SDK1: variants seen among roughly 807,000 people sequenced by gnomAD.
SDK1 encodes the protein protein sidekick-1.
In SDK1, 157 loss-of-function variants were observed where a neutral mutation model predicts 245.5. That is an observed-to-expected ratio of 0.64 (90% CI 0.56 to 0.73). SDK1 has a LOEUF of 0.73. Among genes scored for constraint, SDK1 ranks in the 30% least tolerant of loss-of-function variants. The probability of loss-of-function intolerance (pLI) is 0.00; values close to 1 mark genes in which losing one functional copy is unlikely to be tolerated. For synonymous variants in SDK1, 1,647 were observed against 1,278.5 expected, an observed-to-expected ratio of 1.29 and a Z score of -6.15; for missense variants, 3,583 against 3,002.3, an observed-to-expected ratio of 1.19 and a Z score of -4.52.
At chr7:3,452,270 C>T (rs1172697281) in intron 1 of SDK1, among the ~76,000 whole-genome samples, 1 of 152,100 alleles carries the variant, frequency 6.6e-6, no homozygotes, top group African/African-American at 2.4e-5. Flanking sequence ...CTAGATACCC[C>T]AGATTCTTAG....
At chr7:3,404,389 C>G (rs12539802) in intron 1 of SDK1, among the ~76,000 whole-genome samples, 1 of 151,994 alleles carries the variant, frequency 6.6e-6, no homozygotes, top group Non-Finnish European at 1.5e-5. Context: ...AATAATTTAC[C>G]TCTTTTTTGT....
intron 3 of SDK1, among the ~76,000 whole-genome samples, chr7:3,640,594 A>T (rs1782617120): frequency 6.7e-6 from 1 of 149,802 alleles, no homozygotes; most frequent in Non-Finnish European, 1.5e-5. Context: ...ATATTTTAAG[A>T]AGAGCTTCAA....
At chr7:3,858,448 G>A (rs778806327) in intron 5 of SDK1, among the ~76,000 whole-genome samples, 5 of 150,160 alleles carry the variant, frequency 3.3e-5, no homozygotes, top group African/African-American at 1.3e-4. Flanking sequence ...ATACATCTAA[G>A]TGAATTCAAA....
Position 3,641,986 on chromosome 7 carries a change from G to A in SDK1, c.594G>A (p.Gln198=), listed in dbSNP as rs757118883. The change falls in exon 4 of 45, where the codon CAG becomes CAA. Residue 198 remains glutamine (Q), a synonymous_variant. Transcript: ENST00000404826. The part of the protein sequence containing the change: ...AYMGSFMDTD[Q]RKTVSQGRAA... ...TGGGAAGTTTCATGGATACGGACCA[G>A]AGGAAAACAGTTTCTCAAGGACGTG... 2 of 1,614,088 alleles carry A rather than the reference G, an allele frequency of 1.2e-6. No homozygotes were observed. The highest frequency in any genetic ancestry group is 8.5e-7 in the Non-Finnish European group (1 of 1,179,960).
chr7:3,838,204 A>G (rs1040109199), intron 5 of SDK1, among the ~76,000 whole-genome samples: 2 of 152,256 alleles, frequency 1.3e-5, no homozygotes, highest in African/African-American at 2.4e-5. Context: ...ATGGCTGTAC[A>G]CAGCAATCCG....
At chr7:3,512,536 G>C (rs929074954) in intron 1 of SDK1, among the ~76,000 whole-genome samples, 3 of 152,158 alleles carry the variant, frequency 2.0e-5, no homozygotes, top group African/African-American at 7.2e-5. Flanking sequence ...AAGCCACCAG[G>C]CTGTCCTCAG....
intron 38 of SDK1, among the ~76,000 whole-genome samples, chr7:4,215,223 A>G (rs189769003): frequency 1.9e-4 from 29 of 152,342 alleles, no homozygotes; most frequent in African/African-American, 6.7e-4. Flanking sequence ...GAGTCAGCTT[A>G]TATCTCATCG....
intron 4 of SDK1, among the ~76,000 whole-genome samples, chr7:3,692,213 T>C (rs1784456900): frequency 6.6e-6 from 1 of 152,290 alleles, no homozygotes; most frequent in South Asian, 2.1e-4. Context: ...AAAAATTCTT[T>C]CTGATTCTAA....
chr7:3,334,731 C>A lies in SDK1; in HGVS notation c.298+32847C>A, dbSNP rs576794198. 3.9e-5 allele frequency among the ~76,000 whole-genome samples: 6 copies of A among 152,290 alleles called. No individual in the cohort carries two copies. The East Asian group carries it at 1.2e-3, about 29-fold the overall frequency. Reference sequence around the variant, plus strand: ...CCTCAGGTTCAGTCCTTATTCTGTTCTTGACTTCTCTTTGTGGACAATCTC... The same window carrying A: ...CCTCAGGTTCAGTCCTTATTCTGTTATTGACTTCTCTTTGTGGACAATCTC... On this transcript the variant is annotated intron_variant, in intron 1 of 44. Transcript: ENST00000404826.
intron 4 of SDK1, among the ~76,000 whole-genome samples, chr7:3,718,043 G>A (rs184058440): frequency 1.4e-3 from 206 of 152,102 alleles, no homozygotes; most frequent in Non-Finnish European, 2.5e-3. Flanking sequence ...ACTGAATCCA[G>A]CAAAGTACAG....
In SDK1 at chr7:3,622,512, G is replaced by A. The variant is rs117323279; in HGVS notation, c.458+3273G>A. On this transcript the variant is annotated intron_variant, in intron 2 of 44. Transcript: ENST00000404826. ...CAAAATTTTAAAAAAATGGTGTAAC[G>A]GCTTTATTTTAAATGCCAAAGTGTA... is the stretch of plus-strand genomic sequence containing the variant. Among the ~76,000 whole-genome samples the A allele has an allele frequency of 2.6e-5, 4 of 152,132 alleles. No homozygotes were observed. The East Asian group carries it at 7.7e-4, about 29-fold the overall frequency.
intron 40 of SDK1, among the ~76,000 whole-genome samples, chr7:4,225,547 T>A (rs1244849386): frequency 6.6e-6 from 1 of 152,118 alleles, no homozygotes; most frequent in South Asian, 2.1e-4. Flanking sequence ...GCCCTTGACT[T>A]TCTCCTCAGG....
intron 43 of SDK1, among the ~76,000 whole-genome samples, chr7:4,244,426 G>A (rs1786712889): frequency 6.6e-6 from 1 of 152,206 alleles, no homozygotes; most frequent in African/African-American, 2.4e-5. Context: ...GGAGCACTCA[G>A]TCCTGCCTGA....
At chr7:3,849,470 T>C (rs1227460934) in intron 5 of SDK1, among the ~76,000 whole-genome samples, 1 of 152,192 alleles carries the variant, frequency 6.6e-6, no homozygotes, top group Non-Finnish European at 1.5e-5. Flanking sequence ...TGTGGGAACA[T>C]GGATTTATTA....
chr7:3,408,467 A>G (rs1779109752), intron 1 of SDK1, among the ~76,000 whole-genome samples: 1 of 152,224 alleles, frequency 6.6e-6, no homozygotes, highest in South Asian at 2.1e-4. Flanking sequence ...TTAAATTTAG[A>G]CACTGGTTAT....
intron 34 of SDK1, 135 bp downstream of exon 34, chr7:4,175,969 G>A (rs746663692): frequency 1.3e-5 from 9 of 711,976 alleles, no homozygotes; most frequent in East Asian, 2.7e-5. Flanking sequence ...CAAACGCTGC[G>A]TCTCCACATA....
rs1788483022 is a variant in SDK1, at chr7:4,266,546, G to A, written c.*1162G>A. 1 of 981,728 alleles carries A rather than the reference G, an allele frequency of 1.0e-6. No individual in the cohort carries two copies. The highest frequency in any genetic ancestry group is 1.2e-6 in the Non-Finnish European group (1 of 829,210). 60.8% of individuals were successfully genotyped at this position (981,728 alleles called of 1,614,324 possible). On this transcript the variant is annotated 3_prime_UTR_variant, in exon 45 of 45. Transcript: ENST00000404826. ...TCTCCCAGTCCGAGGCCAGCTTTTAGCCTTAACAGGTTTTTTGGAAATGTT... is the reference window on the plus strand; with the variant it reads ...TCTCCCAGTCCGAGGCCAGCTTTTAACCTTAACAGGTTTTTTGGAAATGTT...
At chr7:4,208,774 T>A (rs1171475504) in intron 37 of SDK1, among the ~76,000 whole-genome samples, 1 of 152,186 alleles carries the variant, frequency 6.6e-6, no homozygotes, top group Non-Finnish European at 1.5e-5. Flanking sequence ...ACTACACACA[T>A]GCCACGGGCC....
At position 3,840,925 on chromosome 7, in the gene SDK1, G is replaced by C. The variant is rs1168434415; in HGVS notation, c.847+19342G>C. ...AAAATTTGAGAAGGACCACCCTAGA[G>C]AGAATCCACATCGACTTCAGATGGC... On this transcript the variant is annotated intron_variant, in intron 5 of 44. Coordinates refer to ENST00000404826, the MANE Select transcript of SDK1 (RefSeq NM_152744.4). Among the ~76,000 whole-genome samples, 3 of 152,214 alleles carry C rather than the reference G, an allele frequency of 2.0e-5. 1 individual carries two copies. Among genetic ancestry groups the C allele is most frequent in the Admixed American group, 1.3e-4 (2 of 15,284 alleles).
Sources: gnomAD v4.1 joint callset for allele counts (sites outside exome capture counted in the v4.1 genomes callset) on GRCh38, gnomAD v4.1.1 for gene constraint, MANE v1.5 for transcripts, NCBI Gene and HGNC (gene_info 2026-07-23, HGNC 2026-07-21) for gene names.